Variants in AVEN observed in about 807,000 individuals in gnomAD.
AVEN encodes the protein apoptosis and caspase activation inhibitor, also known as cell death regulator Aven.
A neutral mutation model predicts 38.1 loss-of-function variants in AVEN; 41 were observed. The observed-to-expected ratio is 1.08, with a 90% CI of 0.84 to 1.40. AVEN has a LOEUF of 1.40. AVEN is among the 40% of genes most tolerant of loss of function. AVEN has a pLI of 0.00. For synonymous variants in AVEN, 206 were observed against 171.8 expected (o/e 1.20, Z -1.56); for missense variants, 605 against 438.8 (o/e 1.38, Z -3.38).
chr15:33,871,137 A>G (rs1039199952), intron 3 of AVEN, 107 bp from the exon 4 acceptor site: 28 of 652,372 alleles, frequency 4.3e-5, no homozygotes, highest in Non-Finnish European at 6.1e-5. Flanking sequence ...TTGGCTAGGA[A>G]TAAGTCACAC....
rs191086441 is a variant in AVEN, at chr15:34,055,750, G to A, written n.1637+7172C>T. The stretch of plus-strand genomic sequence containing the variant: ...CGGGAGGTGGAGCTTGCAGTGAGCC[G>A]AGATCACACCACTGCACTCCAGCCT... On this transcript the variant is annotated intron_variant and non_coding_transcript_variant, in intron 5 of 11. Transcript: ENST00000675287. Among the ~76,000 whole-genome samples the A allele has an allele frequency of 3.6e-4, 54 of 151,882 alleles. 1 individual carries two copies. The East Asian group carries it at 9.8e-3, about 28-fold the overall frequency.
At chr15:34,047,700 C>A (rs147866036) in intron 5 of AVEN, among the ~76,000 whole-genome samples, 1 of 152,200 alleles carries the variant, frequency 6.6e-6, no homozygotes, top group Non-Finnish European at 1.5e-5. Context: ...TCCCTCCCAA[C>A]GCAAGCACAG....
At chr15:33,859,466 C>G (rs931258306) in intron 11 of AVEN, 1 of 1,234,896 alleles carries the variant, frequency 8.1e-7, no homozygotes, top group Non-Finnish European at 1.2e-6. Context: ...GTTCCCCTCT[C>G]GTGGCTTAGG....
intron 2 of AVEN, among the ~76,000 whole-genome samples, chr15:34,002,374 C>CT (rs754008641): frequency 2.8e-5 from 4 of 143,710 alleles, no homozygotes; most frequent in Non-Finnish European, 6.1e-5. Flanking sequence ...TCCAGTTATT[C>CT]TTTAAACTCT....
intron 2 of AVEN, among the ~76,000 whole-genome samples, chr15:33,973,629 G>C (rs476814): frequency 1.3e-5 from 2 of 152,056 alleles, no homozygotes; most frequent in East Asian, 3.9e-4. Flanking sequence ...ATCGCTTGAG[G>C]CCAGGAGTTC....
chr15:33,931,349 C>CTTTTTTTTTTTTTTTTTTTTTTT (rs71119903), intron 2 of AVEN, among the ~76,000 whole-genome samples: 1 of 89,296 alleles, frequency 1.1e-5, no homozygotes, highest in Non-Finnish European at 2.0e-5. Context: ...TGAATATTTT[C>CTTTTTTTTTTTTTTTTTTTTTTT]TTTTTTTTTT....
chr15:33,968,629 C>T (rs1191007323), intron 2 of AVEN: 4 of 152,084 alleles, frequency 2.6e-5, no homozygotes, highest in Non-Finnish European at 4.4e-5. Flanking sequence ...AGAAGAAATG[C>T]CTTCATCTTC....
At chr15:33,996,382 TG>T (rs1896934606) in intron 2 of AVEN, among the ~76,000 whole-genome samples, 1 of 152,224 alleles carries the variant, frequency 6.6e-6, no homozygotes, top group African/African-American at 2.4e-5. Context: ...CCTCCTCAAG[TG>T]GGTCCCTGAA....
At chr15:33,966,297 T>C (rs1476520722) in intron 2 of AVEN, among the ~76,000 whole-genome samples, 2 of 152,188 alleles carry the variant, frequency 1.3e-5, no homozygotes, top group Non-Finnish European at 1.5e-5. Flanking sequence ...CCTTTTCCCA[T>C]TCAGCTTATC....
Position 33,866,421 on chromosome 15 carries a change from C to T in AVEN, c.*192G>A. The T allele has an allele frequency of 3.4e-6, 2 of 584,518 alleles. No individual in the cohort carries two copies. The highest frequency in any genetic ancestry group is 6.1e-6 in the Non-Finnish European group (2 of 330,478). The allele number at this position is 584,518 out of a possible 1,614,324, so 36.2% of individuals were successfully genotyped here. A position where few individuals can be genotyped will look rare whatever the true frequency, so the allele number is the denominator to read the frequency against. On this transcript the variant is annotated 3_prime_UTR_variant, in exon 6 of 6. Transcript: ENST00000306730. ...CTATTAGATTACTAAGCCAGAAAAA[C>T]AAATGCAACAAGCTGCTTCAATGTA...
intron 2 of AVEN, among the ~76,000 whole-genome samples, chr15:33,902,636 A>T (rs145357747): frequency 1.3e-5 from 2 of 152,352 alleles, no homozygotes; most frequent in East Asian, 3.9e-4. Flanking sequence ...TCTGGAGATG[A>T]CATGATTTTA....
At chr15:34,073,918 G>T (rs1193455534) in intron 1 of AVEN, among the ~76,000 whole-genome samples, 1 of 151,100 alleles carries the variant, frequency 6.6e-6, no homozygotes, top group Non-Finnish European at 1.5e-5. Context: ...TAGTCTACAG[G>T]AACTATTTCC....
chr15:34,064,681 C>A (rs1473482073), intron 4 of AVEN: 2 of 234,458 alleles, frequency 8.5e-6, no homozygotes, highest in African/African-American at 4.6e-5. Flanking sequence ...AAACCTTTTC[C>A]TGTGGAAACC....
Position 33,866,712 on chromosome 15 carries a change from A to T in AVEN, c.990T>A (p.Ser330=). 1 of 1,613,880 alleles carries T rather than the reference A, an allele frequency of 6.2e-7. No individual in the cohort carries two copies. Among genetic ancestry groups the T allele is most frequent in the Non-Finnish European group, 8.5e-7 (1 of 1,179,816 alleles). The change falls in exon 6 of 6, where the codon TCT becomes TCA. Residue 330 remains serine, a synonymous_variant. Coordinates refer to ENST00000306730, the MANE Select transcript of AVEN (RefSeq NM_020371.3). ...VQEEEVCAKP[S]VTEEKNMEPE... Reference sequence around the variant, plus strand: ...GTTCCATGTTTTTTTCTTCAGTCACAGATGGTTTTGCACAAACTGGGGGAA... The same window carrying T: ...GTTCCATGTTTTTTTCTTCAGTCACTGATGGTTTTGCACAAACTGGGGGAA...
intron 1 of AVEN, among the ~76,000 whole-genome samples, chr15:34,008,257 C>T (rs1169183971): frequency 2.6e-5 from 4 of 151,690 alleles, no homozygotes; most frequent in East Asian, 2.0e-4. Context: ...CCTATCTCCA[C>T]GAAAAAGATA....
intron 11 of AVEN, chr15:33,859,473 T>C (rs2153012955): frequency 2.2e-6 from 3 of 1,353,070 alleles, no homozygotes; most frequent in Non-Finnish European, 3.1e-6. Flanking sequence ...TCTCGTGGCT[T>C]AGGGCTGCCA....
chr15:33,958,795 C>T (rs1895059649), intron 2 of AVEN, among the ~76,000 whole-genome samples: 1 of 152,130 alleles, frequency 6.6e-6, no homozygotes, highest in Admixed American at 6.5e-5. Flanking sequence ...TAGCATCCAG[C>T]TCTCATTTTC....
At chr15:33,877,387 A>G (rs1452551556) in intron 2 of AVEN, among the ~76,000 whole-genome samples, 1 of 152,276 alleles carries the variant, frequency 6.6e-6, no homozygotes, top group African/African-American at 2.4e-5. Flanking sequence ...CAACAGCATG[A>G]TAATCTGAAG....
Position 33,866,677 on chromosome 15 carries a change from G to C in AVEN, c.1025C>G (p.Pro342Arg). 2 of 1,613,962 alleles carry C rather than the reference G, an allele frequency of 1.2e-6. No individual in the cohort carries two copies. Among genetic ancestry groups the C allele is most frequent in the Non-Finnish European group, 1.7e-6 (2 of 1,179,918 alleles). The part of the protein sequence containing the change: ...TEEKNMEPEQ[P>R]STSKNVTEEE... ...CTCGGTAACATTTTTGGAGGTACTT[G>C]GTTGCTCAGGTTCCATGTTTTTTTC... The change falls in exon 6 of 6, where the codon CCA becomes CGA. Residue 342 changes from proline (P) to arginine (R), a missense_variant. By Grantham distance (103) the Pro-to-Arg change is moderately radical. Transcript: ENST00000306730.
Sources: gnomAD v4.1 joint callset for allele counts (sites outside exome capture counted in the v4.1 genomes callset) on GRCh38, gnomAD v4.1.1 for gene constraint, MANE v1.5 for transcripts, NCBI Gene and HGNC (gene_info 2026-07-23, HGNC 2026-07-21) for gene names.